The following LRFN5 variants were observed in gnomAD, a reference collection of about 807,000 sequenced individuals.
LRFN5 encodes the protein leucine-rich repeat and fibronectin type-III domain-containing protein 5.
LRFN5 carries 24 observed loss-of-function variants against 45.6 expected under a neutral mutation model. The observed-to-expected ratio is 0.53, with a 90% confidence interval of 0.38 to 0.74. The LOEUF is 0.74. LRFN5 is among the 30% of genes least tolerant of loss of function. The pLI, the probability that LRFN5 is intolerant of heterozygous loss-of-function variation, is 0.00. For missense variants in LRFN5, 776 were observed against 861.5 expected, an observed-to-expected ratio of 0.90 and a Z score of 1.24; for synonymous variants, 340 against 313.8, an observed-to-expected ratio of 1.08 and a Z score of -0.88.
intron 1 of LRFN5, among the ~76,000 whole-genome samples, chr14:41,750,017 C>A (rs1424849579): frequency 7.2e-5 from 11 of 151,874 alleles, no homozygotes. Flanking sequence ...CTCTAACTTT[C>A]TTTTCTATAT....
chr14:41,816,735 A>G (rs1312913785), intron 2 of LRFN5, among the ~76,000 whole-genome samples: 1 of 151,964 alleles, frequency 6.6e-6, no homozygotes, highest in Non-Finnish European at 1.5e-5. Flanking sequence ...TGAAAATGAT[A>G]CACCTAAGTA....
chr14:41,735,744 A>G (rs996423070), intron 1 of LRFN5, among the ~76,000 whole-genome samples: 1 of 151,958 alleles, frequency 6.6e-6, no homozygotes, highest in African/African-American at 2.4e-5. Context: ...TCCTAATGCT[A>G]TCCCTCGCCT....
intron 1 of LRFN5, among the ~76,000 whole-genome samples, chr14:41,682,244 TTAAAA>T (rs1277299253): frequency 6.6e-6 from 1 of 151,550 alleles, no homozygotes; most frequent in Non-Finnish European, 1.5e-5. Context: ...AGACTTCATC[TTAAAA>T]TAATAATAAT....
chr14:41,607,974 T>G lies in LRFN5; in HGVS notation c.-785T>G, dbSNP rs912665906. 6.6e-6 allele frequency: 1 copy of G among 152,128 alleles called. No individual in the cohort carries two copies. Among genetic ancestry groups the G allele is most frequent in the Non-Finnish European group, 1.5e-5 (1 of 68,038 alleles). 9.4% of individuals were successfully genotyped at this position (152,128 alleles called of 1,614,324 possible). A position where few individuals can be genotyped will look rare whatever the true frequency, so the allele number is the denominator to read the frequency against. ...TTGCTTATTAAACTGCTTAACAAAA[T>G]CCCCGACTCTTCCTCAGCCCTTTCT... is the stretch of plus-strand genomic sequence containing the variant. On this transcript the variant is annotated 5_prime_UTR_variant, in exon 1 of 6. Coordinates refer to ENST00000298119, the MANE Select transcript of LRFN5 (RefSeq NM_152447.5).
intron 2 of LRFN5, among the ~76,000 whole-genome samples, chr14:41,796,875 T>G (rs1236931961): frequency 6.6e-6 from 1 of 151,940 alleles, no homozygotes; most frequent in Admixed American, 6.6e-5. Context: ...TTTTCACGTC[T>G]TCAATCATTA....
chr14:41,846,214 GAC>G (rs61090774), intron 2 of LRFN5, among the ~76,000 whole-genome samples: 55 of 150,468 alleles, frequency 3.7e-4, no homozygotes, highest in Middle Eastern at 3.4e-3. Context: ...TGTTTACACA[GAC>G]ACACACACAC....
intron 1 of LRFN5, among the ~76,000 whole-genome samples, chr14:41,748,428 T>A (rs946353464): frequency 1.3e-5 from 2 of 152,082 alleles, no homozygotes; most frequent in Admixed American, 6.6e-5. Context: ...AAGAATATTA[T>A]AGGACTCCAC....
chr14:41,783,630 A>G (rs891015719), intron 2 of LRFN5, among the ~76,000 whole-genome samples: 5 of 152,078 alleles, frequency 3.3e-5, no homozygotes, highest in African/African-American at 1.2e-4. Context: ...AATTTCCTGC[A>G]TGCTGCTTGT....
chr14:41,615,341 A>G (rs1887893771), intron 1 of LRFN5, among the ~76,000 whole-genome samples: 1 of 152,140 alleles, frequency 6.6e-6, no homozygotes, highest in Admixed American at 6.6e-5. Flanking sequence ...AAAGAGGCAC[A>G]CAAGTCTAAT....
intron 1 of LRFN5, among the ~76,000 whole-genome samples, chr14:41,669,266 C>G (rs1288260236): frequency 2.6e-5 from 4 of 151,106 alleles, no homozygotes; most frequent in African/African-American, 9.7e-5. Context: ...AACTGGAACC[C>G]ATACAAATCA....
chr14:41,887,238 A>G lies in LRFN5; in HGVS notation c.613A>G (p.Asn205Asp). 6.2e-7 allele frequency: 1 copy of G among 1,614,212 alleles called. No homozygotes were observed. Among genetic ancestry groups the G allele is most frequent in the Non-Finnish European group, 8.5e-7 (1 of 1,180,042 alleles). Residue 205 changes from asparagine to aspartate, a missense_variant, in exon 3 of 6, where the codon AAT (asparagine) becomes GAT (aspartate). This residue lies in a region of LRFN5 where 311 missense variants were observed against 405.1 expected (regional missense o/e 0.77). Transcript: ENST00000298119. This position sits in a 1 kb window ranked among gnomAD's most constrained non-coding sequence, Gnocchi z 4.8. ...GATGACTCGGTTAGATGTGACATCA[A>G]ATAAATTGCAGAAGCTACCACCTGA... is the stretch of plus-strand genomic sequence containing the variant. ...HKMTRLDVTSNKLQKLPPDPL... is the reference protein window; with the variant it reads ...HKMTRLDVTSDKLQKLPPDPL...
intron 1 of LRFN5, among the ~76,000 whole-genome samples, chr14:41,748,453 T>TA (rs1185513773): frequency 1.3e-5 from 2 of 152,072 alleles, no homozygotes; most frequent in Non-Finnish European, 2.9e-5. Flanking sequence ...AGAGGGAACT[T>TA]AGAGTAGTCC....
chr14:41,704,438 C>CTGTGTGTGTGTGTGTGTGTGTGTGTG (rs199862342), intron 1 of LRFN5, among the ~76,000 whole-genome samples: 1 of 111,628 alleles, frequency 9.0e-6, no homozygotes. Flanking sequence ...CTCTCTCTCT[C>CTGTGTGTGTGTGTGTGTGTGTGTGTG]TCTCTCTCTC....
intron 1 of LRFN5, among the ~76,000 whole-genome samples, chr14:41,651,453 A>G (rs1799918592): frequency 6.6e-6 from 1 of 152,198 alleles, no homozygotes; most frequent in Non-Finnish European, 1.5e-5. Flanking sequence ...CACTTACAGA[A>G]AGAACTTGAA....
intron 2 of LRFN5, among the ~76,000 whole-genome samples, chr14:41,800,745 G>T (rs1392936068): frequency 6.6e-6 from 1 of 150,820 alleles, no homozygotes; most frequent in Admixed American, 6.6e-5. Context: ...TCTAAATTCT[G>T]TGTCTCCTAA....
intron 1 of LRFN5, among the ~76,000 whole-genome samples, chr14:41,701,925 T>C (rs1270420025): frequency 2.6e-5 from 4 of 152,130 alleles, no homozygotes; most frequent in African/African-American, 9.7e-5. Flanking sequence ...ATTAGGAATC[T>C]GCATTTTAAC....
chr14:41,625,260 G>A lies in LRFN5; in HGVS notation c.-197+16698G>A, dbSNP rs562803160. 4.9e-3 allele frequency among the ~76,000 whole-genome samples: 555 copies of A among 114,064 alleles called. 4 individuals are homozygous for A. The highest frequency in any genetic ancestry group is 0.016 in the African/African-American group (521 of 31,900). 74.8% of individuals were successfully genotyped at this position (114,064 alleles called of 152,430 possible). A position where few individuals can be genotyped will look rare whatever the true frequency, so the allele number is the denominator to read the frequency against. ...AATAACACCCATATATCAAGGGTGG[G>A]TTCATCTGGATGGAGATAATTGAAT... is the stretch of plus-strand genomic sequence containing the variant. On this transcript the variant is annotated intron_variant, in intron 1 of 5. Transcript: ENST00000298119.
At chr14:41,785,802 G>A (rs568555703) in intron 2 of LRFN5, among the ~76,000 whole-genome samples, 1 of 152,240 alleles carries the variant, frequency 6.6e-6, no homozygotes. Flanking sequence ...TGTATAAAAG[G>A]CATGCAGCCT....
intron 1 of LRFN5, among the ~76,000 whole-genome samples, chr14:41,706,574 A>T (rs1354087843): frequency 1.3e-5 from 2 of 152,160 alleles, no homozygotes; most frequent in Non-Finnish European, 2.9e-5. Context: ...CTTTATTCAT[A>T]TGTGAGTATG....
Sources: allele counts gnomAD v4.1 joint callset (sites outside exome capture counted in the v4.1 genomes callset), GRCh38; gene constraint gnomAD v4.1.1; regional missense constraint gnomAD v4.1.1; non-coding constraint Gnocchi (gnomAD v3.1); transcripts MANE v1.5; gene names NCBI Gene and HGNC (gene_info 2026-07-23, HGNC 2026-07-21).